DGKI: variants seen among roughly 807,000 people sequenced by gnomAD.
DGKI encodes DAG kinase iota.
Under a neutral mutation model 147.5 loss-of-function variants are expected in DGKI, and 55 were observed. That is an observed-to-expected ratio of 0.37 (90% CI 0.30 to 0.47). DGKI has a LOEUF of 0.47. Among genes scored for constraint, DGKI ranks in the 20% least tolerant of loss-of-function variants. The probability of loss-of-function intolerance (pLI) is 1.00; values close to 1 mark genes in which losing one functional copy is unlikely to be tolerated. For missense variants in DGKI, 1,007 were observed against 1,323.8 expected, an observed-to-expected ratio of 0.76 and a Z score of 3.71; for synonymous variants, 469 against 477.1, an observed-to-expected ratio of 0.98 and a Z score of 0.22.
intron 21 of DGKI, among the ~76,000 whole-genome samples, chr7:137,493,045 T>C (rs1815827348): frequency 6.6e-6 from 1 of 152,240 alleles, no homozygotes; most frequent in African/African-American, 2.4e-5. Flanking sequence ...CCAGTGTGTG[T>C]GTGCCAGCAG....
chr7:137,426,368 C>G (rs1812805946), intron 28 of DGKI, among the ~76,000 whole-genome samples: 1 of 152,118 alleles, frequency 6.6e-6, no homozygotes, highest in South Asian at 2.1e-4. Context: ...TTGTCACCAG[C>G]AGGCCTGCCC....
chr7:137,500,121 T>G (rs1394080617), intron 21 of DGKI, among the ~76,000 whole-genome samples: 3 of 152,192 alleles, frequency 2.0e-5, no homozygotes, highest in African/African-American at 7.2e-5. Flanking sequence ...GGAACTACAC[T>G]GTGGAATTTA....
chr7:137,668,704 G>T (rs1333445840), intron 3 of DGKI, among the ~76,000 whole-genome samples: 1 of 152,190 alleles, frequency 6.6e-6, no homozygotes, highest in African/African-American at 2.4e-5. Context: ...GCTAGTAAGT[G>T]GTGTGTGCTG....
At chr7:137,712,340 T>G (rs1017497598) in intron 1 of DGKI, among the ~76,000 whole-genome samples, 2 of 152,176 alleles carry the variant, frequency 1.3e-5, no homozygotes, top group African/African-American at 4.8e-5. Context: ...CTCTTCTCAA[T>G]AAAAATATTT....
At chr7:137,662,742 G>C (rs982665337) in intron 3 of DGKI, among the ~76,000 whole-genome samples, 1 of 152,180 alleles carries the variant, frequency 6.6e-6, no homozygotes, top group African/African-American at 2.4e-5. Flanking sequence ...ACCCTGAGTA[G>C]TGTTGGCCCA....
At chr7:137,497,346 A>G (rs1408149227) in intron 21 of DGKI, among the ~76,000 whole-genome samples, 1 of 152,166 alleles carries the variant, frequency 6.6e-6, no homozygotes, top group African/African-American at 2.4e-5. Context: ...GCTAATGGGA[A>G]TGTAAATTAT....
At chr7:137,633,080 C>T (rs1014135170) in intron 6 of DGKI, among the ~76,000 whole-genome samples, 41 of 151,886 alleles carry the variant, frequency 2.7e-4, no homozygotes, top group African/African-American at 9.4e-4. Context: ...GGCGTGGTGA[C>T]GCATGCCCAT....
At chr7:137,660,886 A>C (rs930503477) in intron 3 of DGKI, among the ~76,000 whole-genome samples, 2 of 149,998 alleles carry the variant, frequency 1.3e-5, no homozygotes, top group African/African-American at 4.9e-5. Flanking sequence ...AGGGGAGGAA[A>C]GGAGAAGAGG....
At chr7:137,781,593 C>A (rs1292089498) in intron 1 of DGKI, among the ~76,000 whole-genome samples, 2 of 152,214 alleles carry the variant, frequency 1.3e-5, no homozygotes, top group Non-Finnish European at 1.5e-5. Context: ...CACTCTCCTT[C>A]CATGACTGCA....
chr7:137,838,872 A>C (rs1390598044), intron 1 of DGKI, among the ~76,000 whole-genome samples: 2 of 152,264 alleles, frequency 1.3e-5, no homozygotes, highest in African/African-American at 2.4e-5. Context: ...GGCAGGTAGC[A>C]TCTGCGAAGC....
chr7:137,699,062 T>C (rs1417439733), intron 1 of DGKI, among the ~76,000 whole-genome samples: 2 of 152,234 alleles, frequency 1.3e-5, no homozygotes, highest in African/African-American at 4.8e-5. Context: ...TTCTGGAGGT[T>C]GGAGAACCCA....
At position 137,381,234 on chromosome 7, in the gene DGKI, A is replaced by G. The variant is rs1811051787; in HGVS notation, c.*9986T>C. 1 of 152,010 alleles carries G rather than the reference A, an allele frequency of 6.6e-6. No homozygotes were observed. The highest frequency in any genetic ancestry group is 6.6e-5 in the Admixed American group (1 of 15,258). The allele number at this position is 152,010 out of a possible 1,614,324, so 9.4% of individuals were successfully genotyped here. ...AATAGGAAATGCAAGAAAATTAGGGAAAAATACTTTATGACTTTGTTACAA... is the reference window on the plus strand; with the variant it reads ...AATAGGAAATGCAAGAAAATTAGGGGAAAATACTTTATGACTTTGTTACAA... On this transcript the variant is annotated 3_prime_UTR_variant, in exon 33 of 33. Coordinates refer to ENST00000614521, the MANE Select transcript of DGKI (RefSeq NM_001321708.2).
At chr7:137,816,406 C>T (rs548492983) in intron 1 of DGKI, among the ~76,000 whole-genome samples, 1 of 152,276 alleles carries the variant, frequency 6.6e-6, no homozygotes, top group South Asian at 2.1e-4. Context: ...TTAATACATG[C>T]AAAATGCTTG....
Position 137,413,961 on chromosome 7 carries a change from C to CA in DGKI, c.2762-1755dup, listed in dbSNP as rs763003959. Among the ~76,000 whole-genome samples, 22 of 152,060 alleles carry CA rather than the reference C, an allele frequency of 1.4e-4. No individual in the cohort carries two copies. In the East Asian group the frequency reaches 2.5e-3, roughly 17 times the overall value. ...CCAACATCTGTTATTTTTTGGCTTT[C>CA]AAAAAATAGATTTTAAGGCTTTAAA... On this transcript the variant is annotated intron_variant, in intron 28 of 32. Transcript: ENST00000614521.
chr7:137,562,362 C>T (rs1438274207), intron 19 of DGKI, among the ~76,000 whole-genome samples: 1 of 152,134 alleles, frequency 6.6e-6, no homozygotes, highest in African/African-American at 2.4e-5. Flanking sequence ...ATGGTGAAAC[C>T]TCGCCTCTAC....
intron 30 of DGKI, 99 bp downstream of exon 30, chr7:137,407,776 A>G: frequency 1.3e-6 from 2 of 1,492,454 alleles, no homozygotes; most frequent in Admixed American, 1.9e-5. Context: ...TATTTCTGCC[A>G]TTCTGAAAAC....
At chr7:137,590,080 A>G (rs1194475599) in intron 12 of DGKI, among the ~76,000 whole-genome samples, 1 of 152,152 alleles carries the variant, frequency 6.6e-6, no homozygotes, top group African/African-American at 2.4e-5. Flanking sequence ...AAAAAAATAC[A>G]AAGTGGCAGA....
At chr7:137,649,316 A>G (rs1821941142) in intron 5 of DGKI, among the ~76,000 whole-genome samples, 1 of 152,188 alleles carries the variant, frequency 6.6e-6, no homozygotes, top group Admixed American at 6.5e-5. Flanking sequence ...TCTTTTGACC[A>G]TTATTAAGAG....
At chr7:137,533,028 G>A (rs1817394273) in intron 20 of DGKI, among the ~76,000 whole-genome samples, 1 of 152,130 alleles carries the variant, frequency 6.6e-6, no homozygotes, top group Non-Finnish European at 1.5e-5. Flanking sequence ...GTTGGGGCCA[G>A]GTGCAGTGGC....
Sources: allele counts gnomAD v4.1 joint callset (sites outside exome capture counted in the v4.1 genomes callset), GRCh38; gene constraint gnomAD v4.1.1; transcripts MANE v1.5; gene names NCBI Gene and HGNC (gene_info 2026-07-23, HGNC 2026-07-21).